CSMD1: variants seen among roughly 807,000 people sequenced by gnomAD.
CSMD1 encodes the protein CUB and Sushi multiple domains 1, also known as CUB and sushi domain-containing protein 1.
Under a neutral mutation model 417.5 loss-of-function variants are expected in CSMD1, and 213 were observed. The ratio of observed to expected loss-of-function variants is 0.51; its 90% CI spans 0.46 to 0.57. CSMD1 has a LOEUF of 0.57. Ranked by LOEUF, CSMD1 falls within the 20% of genes least tolerant of loss-of-function variation. The pLI is 0.00. For synonymous variants in CSMD1, 2,862 were observed against 1,736.8 expected, an observed-to-expected ratio of 1.65 and a Z score of -16.11; for missense variants, 6,923 against 4,529.7, an observed-to-expected ratio of 1.53 and a Z score of -15.17.
intron 1 of CSMD1, among the ~76,000 whole-genome samples, chr8:4,790,836 CA>C (rs1704376962): frequency 6.6e-6 from 1 of 152,112 alleles, no homozygotes; most frequent in South Asian, 2.1e-4. Flanking sequence ...ATCAACACAA[CA>C]TGAATTAAAG....
chr8:4,242,004 C>T (rs953808285), intron 3 of CSMD1, among the ~76,000 whole-genome samples: 5 of 152,130 alleles, frequency 3.3e-5, no homozygotes, highest in Non-Finnish European at 5.9e-5. Context: ...GTAAATGAGA[C>T]CAATTCATCT....
chr8:4,590,504 T>C (rs1799932606), intron 2 of CSMD1, among the ~76,000 whole-genome samples: 1 of 152,320 alleles, frequency 6.6e-6, no homozygotes, highest in East Asian at 1.9e-4. Context: ...CTTTATTTCA[T>C]ATATTTGAAG....
chr8:4,902,961 T>C (rs1804982378), intron 1 of CSMD1, among the ~76,000 whole-genome samples: 1 of 139,284 alleles, frequency 7.2e-6, no homozygotes. Flanking sequence ...AATAATAAAC[T>C]TTGAATACTA....
At chr8:3,009,083 G>A (rs11777428) in intron 52 of CSMD1, among the ~76,000 whole-genome samples, 25,080 of 152,182 alleles carry the variant, frequency 0.16, 2,626 homozygotes, top group Non-Finnish European at 0.23. Context: ...CCATGACAGC[G>A]GACAGACCTG....
intron 5 of CSMD1, among the ~76,000 whole-genome samples, chr8:3,834,382 A>G (rs987211081): frequency 2.0e-5 from 3 of 152,084 alleles, no homozygotes; most frequent in African/African-American, 7.2e-5. Context: ...CAGTTAATCA[A>G]CCAATTGTGC....
intron 5 of CSMD1, among the ~76,000 whole-genome samples, chr8:3,868,129 T>G (rs192672069): frequency 1.4e-4 from 22 of 152,230 alleles, no homozygotes; most frequent in African/African-American, 3.9e-4. Context: ...TAGCACTTTC[T>G]GCTTGGCAGA....
chr8:3,520,240 G>C (rs1244268438), intron 10 of CSMD1, among the ~76,000 whole-genome samples: 2 of 151,884 alleles, frequency 1.3e-5, no homozygotes, highest in East Asian at 1.9e-4. Flanking sequence ...GTTGATTATA[G>C]GTTGGCCAGA....
rs1314039760 is a variant in CSMD1, at chr8:4,942,546, TTAG to T, written c.85+51783_85+51785del. Among the ~76,000 whole-genome samples, 5 of 152,342 alleles carry T rather than the reference TTAG, an allele frequency of 3.3e-5. No individual in the cohort carries two copies. The South Asian group carries it at 1.0e-3, about 32-fold the overall frequency. On this transcript the variant is annotated intron_variant, in intron 1 of 69. Coordinates refer to ENST00000635120, the MANE Select transcript of CSMD1 (RefSeq NM_033225.6). ...TTTCCTCTATTAAATAATGTACAGA[TTAG>T]TAATTCTCACATATTTAAAAGTGTG...
At chr8:3,380,467 T>C (rs1014540947) in intron 18 of CSMD1, among the ~76,000 whole-genome samples, 1 of 152,106 alleles carries the variant, frequency 6.6e-6, no homozygotes, top group Non-Finnish European at 1.5e-5. Flanking sequence ...CTGTTCACAA[T>C]AGCAAGGACT....
intron 1 of CSMD1, among the ~76,000 whole-genome samples, chr8:4,868,745 G>A (rs1802562398): frequency 6.6e-6 from 1 of 150,654 alleles, no homozygotes; most frequent in African/African-American, 2.4e-5. Flanking sequence ...TTTGACACTG[G>A]TGACTGTCAA....
chr8:4,562,672 G>T (rs1310491370), intron 2 of CSMD1, among the ~76,000 whole-genome samples: 2 of 152,070 alleles, frequency 1.3e-5, no homozygotes, highest in Non-Finnish European at 2.9e-5. Context: ...TCAAGAGCAA[G>T]TCACGCCACT....
At chr8:3,842,369 T>A (rs1011316835) in intron 5 of CSMD1, among the ~76,000 whole-genome samples, 2 of 152,102 alleles carry the variant, frequency 1.3e-5, no homozygotes, top group Non-Finnish European at 2.9e-5. Context: ...CCACTAATAA[T>A]GTATACTTAA....
At chr8:3,449,349 C>G (rs1037842147) in intron 12 of CSMD1, among the ~76,000 whole-genome samples, 4 of 152,152 alleles carry the variant, frequency 2.6e-5, no homozygotes, top group Non-Finnish European at 5.9e-5. Context: ...ATCTTGTTTT[C>G]TCTACCCCTC....
intron 3 of CSMD1, among the ~76,000 whole-genome samples, chr8:4,304,068 A>G (rs1798122773): frequency 6.6e-6 from 1 of 152,186 alleles, no homozygotes; most frequent in South Asian, 2.1e-4. Flanking sequence ...CAAAGCCTCG[A>G]TGAAACCCTT....
intron 10 of CSMD1, among the ~76,000 whole-genome samples, chr8:3,546,388 TAG>T (rs1486398581): frequency 1.3e-5 from 2 of 151,904 alleles, no homozygotes; most frequent in Non-Finnish European, 2.9e-5. Flanking sequence ...TACAAAAAAT[TAG>T]CTGGGTTTGG....
chr8:3,486,652 C>CT (rs904171437), intron 11 of CSMD1, among the ~76,000 whole-genome samples: 5 of 152,242 alleles, frequency 3.3e-5, no homozygotes, highest in African/African-American at 9.6e-5. Context: ...GGAGCACCAC[C>CT]TTATTTGCAG....
intron 40 of CSMD1, among the ~76,000 whole-genome samples, chr8:3,149,171 A>C (rs1660545186): frequency 6.6e-6 from 1 of 152,176 alleles, no homozygotes; most frequent in Non-Finnish European, 1.5e-5. Context: ...TTTTTTCCCA[A>C]ATTATTCTCT....
At chr8:4,503,361 A>G (rs1802357248) in intron 2 of CSMD1, among the ~76,000 whole-genome samples, 1 of 152,294 alleles carries the variant, frequency 6.6e-6, no homozygotes, top group Non-Finnish European at 1.5e-5. Context: ...TATGCCTACC[A>G]TCATACTCAA....
At chr8:3,853,258 G>A (rs373840832) in intron 5 of CSMD1, among the ~76,000 whole-genome samples, 2 of 152,168 alleles carry the variant, frequency 1.3e-5, no homozygotes, top group Non-Finnish European at 2.9e-5. Flanking sequence ...CTGAGGCTCA[G>A]GAGAAAGCTG....
Sources: gnomAD v4.1 joint callset for allele counts (sites outside exome capture counted in the v4.1 genomes callset) on GRCh38, gnomAD v4.1.1 for gene constraint, MANE v1.5 for transcripts, NCBI Gene and HGNC (gene_info 2026-07-23, HGNC 2026-07-21) for gene names.